Variants in DSCAML1 observed in about 807,000 individuals in gnomAD.
DSCAML1 encodes the protein cell adhesion molecule DSCAML1.
DSCAML1 carries 38 observed loss-of-function variants against 200.5 expected under a neutral mutation model. That is an observed-to-expected ratio of 0.19 (90% CI 0.15 to 0.25). The LOEUF (loss-of-function observed/expected upper bound fraction) is 0.25, where lower values mean the gene tolerates loss of function less well. Among genes scored for constraint, DSCAML1 ranks in the 10% least tolerant of loss-of-function variants. The probability of loss-of-function intolerance (pLI) is 1.00; values close to 1 mark genes in which losing one functional copy is unlikely to be tolerated. For missense variants in DSCAML1, 2,223 were observed against 2,858.8 expected (o/e 0.78, Z 5.07); for synonymous variants, 1,215 against 1,165.0 (o/e 1.04, Z -0.87).
At chr11:117,547,339 C>T (rs17120853) in intron 3 of DSCAML1, among the ~76,000 whole-genome samples, 92 of 152,302 alleles carry the variant, frequency 6.0e-4, no homozygotes, top group African/African-American at 2.1e-3. Context: ...CTCCTTGCAA[C>T]AGAACCCCAG....
chr11:117,573,510 A>G (rs1255767866), intron 3 of DSCAML1, among the ~76,000 whole-genome samples: 1 of 152,108 alleles, frequency 6.6e-6, no homozygotes, highest in East Asian at 1.9e-4. Context: ...GCTCCGCCCC[A>G]CCCTCTGCTT....
chr11:117,695,066 G>C (rs889724380), intron 3 of DSCAML1, among the ~76,000 whole-genome samples: 7 of 152,100 alleles, frequency 4.6e-5, no homozygotes, highest in African/African-American at 1.4e-4. Context: ...GGATTAGAGG[G>C]AAGACAACAG....
At chr11:117,431,886 T>C (rs1227403779) in intron 30 of DSCAML1, among the ~76,000 whole-genome samples, 158 bp from the exon 31 acceptor site, 1 of 151,942 alleles carries the variant, frequency 6.6e-6, no homozygotes, top group Non-Finnish European at 1.5e-5. Context: ...CACATCGCTG[T>C]CCCCAGAGGA....
At chr11:117,697,276 T>C (rs2053600303) in intron 3 of DSCAML1, among the ~76,000 whole-genome samples, 1 of 152,158 alleles carries the variant, frequency 6.6e-6, no homozygotes, top group Non-Finnish European at 1.5e-5. Context: ...AGTTTTCTGG[T>C]TTCTAACCTC....
At position 117,439,351 on chromosome 11, in the gene DSCAML1, C is replaced by A. The variant is rs1160121913; in HGVS notation, c.4059G>T (p.Val1353=). 6.2e-7 allele frequency: 1 copy of A among 1,614,026 alleles called. No homozygotes were observed. The highest frequency in any genetic ancestry group is 1.1e-5 in the South Asian group (1 of 91,080). Residue 1353 remains valine, a synonymous_variant, in exon 23 of 33, where the codon GTG becomes GTT. Coordinates refer to ENST00000651296, the MANE Select transcript of DSCAML1 (RefSeq NM_020693.4). ...HTNGTLLLRA[V]KAEDSGYYTC... is the part of the protein sequence containing the mutation. The stretch of plus-strand genomic sequence containing the variant: ...TGTAGTAGCCAGAGTCCTCAGCCTT[C>A]ACTGCACGCAGCAGCAGTGTGCCAT...
chr11:117,447,014 C>T (rs751158564), intron 20 of DSCAML1, among the ~76,000 whole-genome samples: 3 of 152,056 alleles, frequency 2.0e-5, no homozygotes, highest in Non-Finnish European at 4.4e-5. Flanking sequence ...AGGTCAGGTG[C>T]GGTGGTGGCT....
chr11:117,543,465 G>A (rs950258644), intron 3 of DSCAML1, among the ~76,000 whole-genome samples: 11 of 152,036 alleles, frequency 7.2e-5, no homozygotes, highest in Non-Finnish European at 1.2e-4. Flanking sequence ...GTGTACCTGC[G>A]CTGGTGTGTG....
intron 11 of DSCAML1, among the ~76,000 whole-genome samples, chr11:117,491,495 G>A (rs2049180746): frequency 6.6e-6 from 1 of 152,244 alleles, no homozygotes; most frequent in Non-Finnish European, 1.5e-5. Context: ...GCCAGGTGTG[G>A]TGGCTCACGC....
At position 117,516,303 on chromosome 11, in the gene DSCAML1, T is replaced by G. The variant is rs913342411; in HGVS notation, c.1783+164A>C. Reference sequence around the variant, plus strand: ...TCATGGCCTGCGTCCACCCACAGTCTTCTGCCCTGCTCCCTTTTTTCTGAA... The same window carrying G: ...TCATGGCCTGCGTCCACCCACAGTCGTCTGCCCTGCTCCCTTTTTTCTGAA... On this transcript the variant is annotated intron_variant, in intron 8 of 32. Coordinates refer to ENST00000651296, the MANE Select transcript of DSCAML1 (RefSeq NM_020693.4). The surrounding 1 kb of genome is among the most constrained non-coding windows in gnomAD (Gnocchi z 5.7). Among the ~76,000 whole-genome samples, 6 of 152,214 alleles carry G rather than the reference T, an allele frequency of 3.9e-5. No homozygotes were observed. The highest frequency in any genetic ancestry group is 2.0e-4 in the Admixed American group (3 of 15,286).
At chr11:117,588,245 G>T (rs2137477227) in intron 3 of DSCAML1, among the ~76,000 whole-genome samples, 1 of 152,238 alleles carries the variant, frequency 6.6e-6, no homozygotes, top group East Asian at 1.9e-4. Flanking sequence ...CTAGCTCGGG[G>T]GTCGGGGGCT....
intron 21 of DSCAML1, among the ~76,000 whole-genome samples, chr11:117,443,382 C>T (rs751348638): frequency 9.9e-5 from 15 of 152,248 alleles, no homozygotes; most frequent in Non-Finnish European, 1.6e-4. Flanking sequence ...CTGATTCTAG[C>T]CCAGAGCCTT....
intron 21 of DSCAML1, among the ~76,000 whole-genome samples, chr11:117,442,315 G>C (rs942262303): frequency 4.1e-5 from 6 of 147,900 alleles, no homozygotes; most frequent in Admixed American, 6.7e-5. Flanking sequence ...ATATGTGTAT[G>C]CATGTATTAG....
chr11:117,512,311 C>T (rs1227284831), intron 8 of DSCAML1, among the ~76,000 whole-genome samples: 3 of 152,138 alleles, frequency 2.0e-5, no homozygotes, highest in East Asian at 1.9e-4. Context: ...TCAGGGCCCC[C>T]GCCATGCCCA....
rs202195506 is a variant in DSCAML1, at chr11:117,480,403, A to C, written c.2785+40T>G. ...GGCAGGACACGTGGCACAAGGGGCC[A>C]TGGCAGGCCACGCTGTCACCCTCCT... On this transcript the variant is annotated intron_variant, in intron 14 of 32. Coordinates refer to ENST00000651296, the MANE Select transcript of DSCAML1 (RefSeq NM_020693.4). This position sits in a 1 kb window ranked among gnomAD's most constrained non-coding sequence, Gnocchi z 4.1. The C allele has an allele frequency of 5.0e-6, 8 of 1,610,168 alleles. No homozygotes were observed. The highest frequency in any genetic ancestry group is 5.9e-6 in the Non-Finnish European group (7 of 1,178,450).
At chr11:117,653,312 A>G (rs948786371) in intron 3 of DSCAML1, among the ~76,000 whole-genome samples, 2 of 152,162 alleles carry the variant, frequency 1.3e-5, no homozygotes, top group Non-Finnish European at 2.9e-5. Flanking sequence ...TCTGGTTCCA[A>G]CACTTCAGAT....
At chr11:117,773,559 A>ACACACAG (rs781782478) in intron 3 of DSCAML1, among the ~76,000 whole-genome samples, 2 of 150,952 alleles carry the variant, frequency 1.3e-5, no homozygotes, top group Non-Finnish European at 3.0e-5. Flanking sequence ...ACACACACAC[A>ACACACAG]CACAGCACAG....
At chr11:117,660,941 T>C (rs1283175370) in intron 3 of DSCAML1, among the ~76,000 whole-genome samples, 1 of 152,170 alleles carries the variant, frequency 6.6e-6, no homozygotes, top group Non-Finnish European at 1.5e-5. Flanking sequence ...TCATTAAGGG[T>C]TCCTTTGAGT....
chr11:117,700,859 C>A (rs984844347), intron 3 of DSCAML1, among the ~76,000 whole-genome samples: 1 of 152,248 alleles, frequency 6.6e-6, no homozygotes, highest in African/African-American at 2.4e-5. Flanking sequence ...GCCACAGGAC[C>A]ACTATCAGAG....
intron 3 of DSCAML1, among the ~76,000 whole-genome samples, chr11:117,607,432 C>A (rs1437727756): frequency 6.6e-6 from 1 of 152,214 alleles, no homozygotes; most frequent in Non-Finnish European, 1.5e-5. Context: ...CACCAGGGAG[C>A]CACCATCCAC....
Sources: allele counts gnomAD v4.1 joint callset (sites outside exome capture counted in the v4.1 genomes callset), GRCh38; gene constraint gnomAD v4.1.1; non-coding constraint Gnocchi (gnomAD v3.1); transcripts MANE v1.5; gene names NCBI Gene and HGNC (gene_info 2026-07-23, HGNC 2026-07-21).